HELZ: variants seen among roughly 807,000 people sequenced by gnomAD.
HELZ encodes the protein ATP-dependent RNA helicase with zinc finger domain.
HELZ carries 23 observed loss-of-function variants against 218.2 expected under a neutral mutation model. The observed-to-expected ratio is 0.11, with a 90% CI of 0.08 to 0.15. The LOEUF (loss-of-function observed/expected upper bound fraction) is 0.15, where lower values mean the gene tolerates loss of function less well. Ranked by LOEUF, HELZ falls within the 10% of genes least tolerant of loss-of-function variation. The pLI, the probability that HELZ is intolerant of heterozygous loss-of-function variation, is 1.00. For missense variants in HELZ, 1,813 were observed against 2,353.7 expected, an observed-to-expected ratio of 0.77 and a Z score of 4.75; for synonymous variants, 814 against 829.4, an observed-to-expected ratio of 0.98 and a Z score of 0.32.
At chr17:67,211,003 T>C (rs1448513241) in intron 5 of HELZ, among the ~76,000 whole-genome samples, 2 of 152,176 alleles carry the variant, frequency 1.3e-5, no homozygotes, top group Non-Finnish European at 2.9e-5. Flanking sequence ...TTATGCCAAA[T>C]ACAACTGATG....
Position 67,109,327 on chromosome 17 carries a change from T to A in HELZ, c.4278A>T (p.Gly1426=), listed in dbSNP as rs751729734. Residue 1426 remains glycine, a synonymous_variant, in exon 29 of 33, where the codon GGA becomes GGT. Transcript: ENST00000358691. The stretch of plus-strand genomic sequence containing the variant: ...CACTATTAAAAAAAGCATTGTTGGG[T>A]CCCGCCTGATATGCAGGAGAAAGCT... ...PPQLSPAYQA[G]PNNAFFNSAV... The A allele has an allele frequency of 6.2e-7, 1 of 1,614,002 alleles. No homozygotes were observed. Among genetic ancestry groups the A allele is most frequent in the South Asian group, 1.1e-5 (1 of 91,062 alleles).
intron 3 of HELZ, among the ~76,000 whole-genome samples, chr17:67,237,988 CAAAAA>C: frequency 1.1e-5 from 1 of 87,074 alleles, no homozygotes; most frequent in Non-Finnish European, 2.5e-5. Context: ...GACTCCATCT[CAAAAA>C]AAAAAAAAAA....
At chr17:67,156,426 G>A (rs1280994540) in intron 17 of HELZ, among the ~76,000 whole-genome samples, 1 of 152,036 alleles carries the variant, frequency 6.6e-6, no homozygotes, top group Non-Finnish European at 1.5e-5. Flanking sequence ...CTTCTTAGAA[G>A]TATTATCCAG....
intron 28 of HELZ, among the ~76,000 whole-genome samples, chr17:67,111,695 A>T (rs2037284643): frequency 6.6e-6 from 1 of 152,212 alleles, no homozygotes; most frequent in African/African-American, 2.4e-5. Flanking sequence ...CTGAGTATGT[A>T]TAAATTATCT....
At chr17:67,122,106 A>G (rs939064610) in intron 26 of HELZ, among the ~76,000 whole-genome samples, 7 of 152,238 alleles carry the variant, frequency 4.6e-5, no homozygotes, top group African/African-American at 1.7e-4. Flanking sequence ...AAATATTTTA[A>G]AAGATTACAA....
Position 67,107,392 on chromosome 17 carries a change from G to T in HELZ, c.5018C>A (p.Pro1673His). 1.2e-6 allele frequency: 2 copies of T among 1,614,204 alleles called. No individual in the cohort carries two copies. Among genetic ancestry groups the T allele is most frequent in the Non-Finnish European group, 1.7e-6 (2 of 1,180,048 alleles). The change falls in exon 31 of 33, where the codon CCC becomes CAC. Residue 1673 changes from proline (P) to histidine (H), a missense_variant. Physicochemically the swap from Pro to His is moderately conservative, Grantham distance 77 (BLOSUM62 -2). Transcript: ENST00000358691. ...TCCATCAGGTGCCAGGTATTTCAAG[G>T]GAGGAGGGGCAAGGTGTTCAGATGG... ...SLPSEHLAPP[P>H]LKYLAPDGAW...
Position 67,181,090 on chromosome 17 carries a change from A to G in HELZ, c.1163-2164T>C, listed in dbSNP as rs974386657. Among the ~76,000 whole-genome samples, 3 of 152,122 alleles carry G rather than the reference A, an allele frequency of 2.0e-5. No homozygotes were observed. The South Asian group carries it at 6.2e-4, about 32-fold the overall frequency. On this transcript the variant is annotated intron_variant, in intron 12 of 32. Coordinates refer to ENST00000358691, the MANE Select transcript of HELZ (RefSeq NM_014877.4). ...ATAAATAAATACTAAACTCTACATA[A>G]TAGTAAGGAATCTATTTAGTATGTA...
chr17:67,102,462 TAACC>T (rs2036959536), intron 31 of HELZ, among the ~76,000 whole-genome samples: 1 of 152,202 alleles, frequency 6.6e-6, no homozygotes, highest in Non-Finnish European at 1.5e-5. Context: ...AAACATAATG[TAACC>T]AACCATTTCC....
chr17:67,134,578 C>G (rs763206794), intron 23 of HELZ, among the ~76,000 whole-genome samples: 12 of 151,808 alleles, frequency 7.9e-5, no homozygotes, highest in Admixed American at 1.3e-4. Context: ...CTACTTGATT[C>G]CTTTGATGAT....
chr17:67,190,961 G>GC (rs1394603884), intron 9 of HELZ, among the ~76,000 whole-genome samples: 1 of 151,072 alleles, frequency 6.6e-6, no homozygotes, highest in Non-Finnish European at 1.5e-5. Context: ...ACCCGCCTCG[G>GC]CCTCCCAAAG....
chr17:67,145,979 T>A, intron 20 of HELZ, 89 bp from the exon 21 acceptor site: 1 of 1,105,218 alleles, frequency 9.0e-7, no homozygotes, highest in Non-Finnish European at 1.3e-6. Context: ...TCGATTCTAA[T>A]AATATTGCCT....
At chr17:67,171,236 C>A (rs889502415) in intron 13 of HELZ, among the ~76,000 whole-genome samples, 4 of 152,150 alleles carry the variant, frequency 2.6e-5, no homozygotes, top group Non-Finnish European at 5.9e-5. Context: ...AGGTCACCCT[C>A]TCCCAGATCT....
chr17:67,202,467 C>T (rs2040192430), intron 6 of HELZ, among the ~76,000 whole-genome samples: 1 of 152,104 alleles, frequency 6.6e-6, no homozygotes, highest in Non-Finnish European at 1.5e-5. Context: ...ATAGCCACTG[C>T]ACTCCAGCCT....
chr17:67,204,490 T>C (rs2040246552), intron 5 of HELZ, among the ~76,000 whole-genome samples: 1 of 152,180 alleles, frequency 6.6e-6, no homozygotes, highest in Non-Finnish European at 1.5e-5. Flanking sequence ...GTATTTTCCA[T>C]GTGATCAGAG....
chr17:67,154,713 A>T (rs1405534445), intron 17 of HELZ, among the ~76,000 whole-genome samples: 2 of 152,178 alleles, frequency 1.3e-5, no homozygotes, highest in African/African-American at 2.4e-5. Context: ...TCCATTTTTC[A>T]TTCAATTCAA....
At chr17:67,118,253 A>G (rs1365933647) in intron 27 of HELZ, among the ~76,000 whole-genome samples, 4 of 152,252 alleles carry the variant, frequency 2.6e-5, no homozygotes, top group African/African-American at 9.6e-5. Context: ...AGTTCAATGA[A>G]GGAAGGACAG....
At chr17:67,234,828 A>G (rs2041135343) in intron 3 of HELZ, among the ~76,000 whole-genome samples, 1 of 151,986 alleles carries the variant, frequency 6.6e-6, no homozygotes, top group Non-Finnish European at 1.5e-5. Context: ...CATTTCTGAC[A>G]TAACCCCCAG....
intron 20 of HELZ, among the ~76,000 whole-genome samples, 200 bp downstream of exon 20, chr17:67,148,369 T>C (rs1449140482): frequency 6.6e-6 from 1 of 152,220 alleles, no homozygotes; most frequent in African/African-American, 2.4e-5. Context: ...TTTCCCAAAA[T>C]AGCCCTATTC....
chr17:67,160,215 A>G (rs751931559), intron 17 of HELZ, 46 bp downstream of exon 17: 2 of 1,139,738 alleles, frequency 1.8e-6, no homozygotes, highest in African/African-American at 3.1e-5. Flanking sequence ...TTTCTTAAGA[A>G]TAATAAAGTA....
Sources: gnomAD v4.1 joint callset for allele counts (sites outside exome capture counted in the v4.1 genomes callset) on GRCh38, gnomAD v4.1.1 for gene constraint, MANE v1.5 for transcripts, NCBI Gene and HGNC (gene_info 2026-07-23, HGNC 2026-07-21) for gene names.